Variants in PCDHA11 observed in about 807,000 individuals in gnomAD.
The protein encoded by PCDHA11 is protocadherin alpha-11.
A neutral mutation model predicts 70.3 loss-of-function variants in PCDHA11; 61 were observed. The ratio of observed to expected loss-of-function variants is 0.87; its 90% confidence interval spans 0.71 to 1.07. The LOEUF is 1.07. PCDHA11 is among the 50% of genes least tolerant of loss of function. The pLI is 0.00. For synonymous variants in PCDHA11, 633 were observed against 555.1 expected (o/e 1.14, Z -1.97); for missense variants, 1,324 against 1,237.5 (o/e 1.07, Z -1.05).
rs782770549 is a variant in PCDHA11, at chr5:140,870,704, T to C, written c.1601T>C (p.Val534Ala). The C allele has an allele frequency of 6.2e-7, 1 of 1,612,984 alleles. No homozygotes were observed. Among genetic ancestry groups the C allele is most frequent in the Non-Finnish European group, 8.5e-7 (1 of 1,179,850 alleles). The change falls in exon 1 of 4, where the codon GTG becomes GCG. Residue 534 changes from valine to alanine, a missense_variant. Coordinates refer to ENST00000398640, the MANE Select transcript of PCDHA11 (RefSeq NM_018902.5). ...HEELELLQFQ[V>A]SARDAGVPPL... ...GAGCTGGAGCTGCTACAGTTCCAGGTGAGCGCGCGCGATGCGGGCGTGCCG... is the reference window on the plus strand; with the variant it reads ...GAGCTGGAGCTGCTACAGTTCCAGGCGAGCGCGCGCGATGCGGGCGTGCCG...
At chr5:140,959,826 T>C (rs2095512884) in intron 1 of PCDHA11, among the ~76,000 whole-genome samples, 1 of 152,224 alleles carries the variant, frequency 6.6e-6, no homozygotes, top group Non-Finnish European at 1.5e-5. Flanking sequence ...CACATGATAA[T>C]GTATTATGCC....
chr5:140,927,110 G>A, intron 1 of PCDHA11: 2 of 1,613,752 alleles, frequency 1.2e-6, no homozygotes, highest in Non-Finnish European at 1.7e-6. Flanking sequence ...CTACCCAGCG[G>A]CAATTTGGTG....
chr5:140,882,990 A>C, intron 1 of PCDHA11: 1 of 1,614,130 alleles, frequency 6.2e-7, no homozygotes, highest in East Asian at 2.2e-5. Context: ...AACGCCCCGG[A>C]ATTTTACCAA....
chr5:140,903,765 C>G (rs782453519), intron 1 of PCDHA11, among the ~76,000 whole-genome samples: 1 of 152,086 alleles, frequency 6.6e-6, no homozygotes. Flanking sequence ...TTTTGCTGAA[C>G]TTTTCTATCC....
chr5:141,007,315 C>T (rs1207897662), intron 3 of PCDHA11, among the ~76,000 whole-genome samples: 1 of 148,308 alleles, frequency 6.7e-6, no homozygotes, highest in Non-Finnish European at 1.5e-5. Flanking sequence ...TTTTGGGAGG[C>T]TAAAGTGGAC....
At chr5:141,003,087 G>A (rs894210434) in intron 3 of PCDHA11, among the ~76,000 whole-genome samples, 4 of 152,198 alleles carry the variant, frequency 2.6e-5, no homozygotes, top group Non-Finnish European at 5.9e-5. Flanking sequence ...AGTTTAACAG[G>A]CCTGGCATTT....
intron 3 of PCDHA11, among the ~76,000 whole-genome samples, chr5:140,998,370 G>A (rs1321470929): frequency 2.6e-5 from 4 of 152,106 alleles, no homozygotes; most frequent in Admixed American, 1.3e-4. Flanking sequence ...TGCACACACC[G>A]TCTCTAGAAA....
chr5:140,928,185 C>T (rs371901224), intron 1 of PCDHA11: 1 of 1,614,064 alleles, frequency 6.2e-7, no homozygotes, highest in Non-Finnish European at 8.5e-7. Flanking sequence ...GAAGGACAAT[C>T]ACTGTGTCAG....
At chr5:140,928,298 C>T in intron 1 of PCDHA11, 2 of 1,614,128 alleles carry the variant, frequency 1.2e-6, no homozygotes, top group South Asian at 1.1e-5. Context: ...CGAGTGTTTG[C>T]CCAGGACCCC....
Position 140,978,953 on chromosome 5 carries a change from G to T in PCDHA11, c.2396G>T (p.Arg799Leu), listed in dbSNP as rs781913955. The T allele has an allele frequency of 6.2e-7, 1 of 1,614,048 alleles. No individual in the cohort carries two copies. Among genetic ancestry groups the T allele is most frequent in the Admixed American group, 1.7e-5 (1 of 59,996 alleles). The change falls in exon 2 of 4, where the codon CGA becomes CTA. Residue 799 changes from arginine to leucine, a missense_variant. Physicochemically the swap from Arg to Leu is moderately radical, Grantham distance 102 (BLOSUM62 -2). Coordinates refer to ENST00000398640, the MANE Select transcript of PCDHA11 (RefSeq NM_018902.5). ...ACTCTCTTTGTGATTTTGCAGCCAC[G>T]ACAGCCCAACCCTGACTGGCGTTAC... ...EPGSNHPGQP[R>L]QPNPDWRYSA... is the part of the protein sequence containing the mutation.
intron 1 of PCDHA11, among the ~76,000 whole-genome samples, chr5:140,955,262 CT>C (rs1165777806): frequency 3.9e-5 from 6 of 152,044 alleles, no homozygotes; most frequent in African/African-American, 1.4e-4. Flanking sequence ...TATAAAGGCT[CT>C]TTTTTGGTTC....
intron 1 of PCDHA11, chr5:140,968,151 T>C: frequency 6.2e-7 from 1 of 1,614,134 alleles, no homozygotes; most frequent in Non-Finnish European, 8.5e-7. Flanking sequence ...ATCTCTGACA[T>C]CAATGACAAT....
At chr5:140,884,543 T>A (rs1582792528) in intron 1 of PCDHA11, 1 of 1,614,034 alleles carries the variant, frequency 6.2e-7, no homozygotes, top group Non-Finnish European at 8.5e-7. Flanking sequence ...GCCGAGGGTG[T>A]GCTCTGGGGA....
intron 1 of PCDHA11, among the ~76,000 whole-genome samples, chr5:140,885,974 T>C (rs2060795303): frequency 6.6e-6 from 1 of 152,200 alleles, no homozygotes; most frequent in Admixed American, 6.5e-5. Flanking sequence ...GAGATAATTA[T>C]AGATTCGCAT....
At chr5:140,928,652 A>T in intron 1 of PCDHA11, 1 of 1,614,188 alleles carries the variant, frequency 6.2e-7, no homozygotes, top group Non-Finnish European at 8.5e-7. Context: ...GTAGCAGAGG[A>T]TGCTGACAGT....
At chr5:141,005,909 T>C (rs1368661717) in intron 3 of PCDHA11, among the ~76,000 whole-genome samples, 1 of 151,946 alleles carries the variant, frequency 6.6e-6, no homozygotes, top group African/African-American at 2.4e-5. Context: ...ATTGCACCAC[T>C]GCACTTCAGC....
At chr5:140,925,833 CG>C (rs2082756406) in intron 1 of PCDHA11, among the ~76,000 whole-genome samples, 1 of 152,070 alleles carries the variant, frequency 6.6e-6, no homozygotes, top group Admixed American at 6.5e-5. Flanking sequence ...GGGGACGGGT[CG>C]TCAAGTCTTT....
At chr5:140,884,143 G>C (rs782116778) in intron 1 of PCDHA11, 1 of 1,613,438 alleles carries the variant, frequency 6.2e-7, no homozygotes. Context: ...TCCGCGTGGG[G>C]CTGTACACTG....
chr5:140,967,471 A>G (rs2096144842), intron 1 of PCDHA11: 3 of 1,613,466 alleles, frequency 1.9e-6, no homozygotes, highest in Middle Eastern at 1.7e-4. Context: ...GGGGCATCCC[A>G]GCCCGCTCGG....
Sources: allele counts gnomAD v4.1 joint callset (sites outside exome capture counted in the v4.1 genomes callset), GRCh38; gene constraint gnomAD v4.1.1; transcripts MANE v1.5; gene names NCBI Gene and HGNC (gene_info 2026-07-23, HGNC 2026-07-21).